Variants in PRPF39 observed in about 807,000 individuals in gnomAD.
The protein encoded by PRPF39 is pre-mRNA-processing factor 39.
In PRPF39, 27 loss-of-function variants were observed where a neutral mutation model predicts 82.1. The ratio of observed to expected loss-of-function variants is 0.33; its 90% CI spans 0.24 to 0.45. PRPF39 has a LOEUF of 0.45. Among genes scored for constraint, PRPF39 ranks in the 20% least tolerant of loss-of-function variants. The pLI is 1.00. For synonymous variants in PRPF39, 261 were observed against 256.4 expected, an observed-to-expected ratio of 1.02 and a Z score of -0.17; for missense variants, 581 against 796.9, an observed-to-expected ratio of 0.73 and a Z score of 3.26.
intron 1 of PRPF39, among the ~76,000 whole-genome samples, chr14:45,085,660 T>G (rs1482592633): frequency 6.6e-6 from 1 of 152,206 alleles, no homozygotes; most frequent in Admixed American, 6.5e-5. Context: ...GTGTTTAATA[T>G]GTAGAGACTT....
At chr14:45,090,216 A>T (rs1472804317) in intron 1 of PRPF39, among the ~76,000 whole-genome samples, 1 of 152,250 alleles carries the variant, frequency 6.6e-6, no homozygotes, top group Admixed American at 6.5e-5. Flanking sequence ...AGGGAAAAAG[A>T]ACAAAATAAA....
At chr14:45,097,041 A>T in intron 4 of PRPF39, 36 bp downstream of exon 4, 3 of 1,493,128 alleles carry the variant, frequency 2.0e-6, no homozygotes, top group Non-Finnish European at 2.7e-6. Flanking sequence ...GTTTTTTATG[A>T]TATAAATAAT....
intron 5 of PRPF39, among the ~76,000 whole-genome samples, chr14:45,104,573 G>A (rs1370285925): frequency 1.3e-5 from 2 of 152,340 alleles, no homozygotes; most frequent in Middle Eastern, 3.4e-3. Context: ...GAGTTGGTCA[G>A]AAGGATAGAG....
chr14:45,114,115 C>G, intron 11 of PRPF39, 68 bp from the exon 12 acceptor site: 2 of 1,210,264 alleles, frequency 1.7e-6, no homozygotes, highest in Non-Finnish European at 2.3e-6. Flanking sequence ...TAAGTAAAAA[C>G]AACTTTAAAT....
At chr14:45,087,737 C>G (rs1206046998) in intron 1 of PRPF39, among the ~76,000 whole-genome samples, 3 of 125,842 alleles carry the variant, frequency 2.4e-5, no homozygotes, top group African/African-American at 3.3e-5. Flanking sequence ...CCATGCCCGG[C>G]TAATTTTTTT....
chr14:45,100,543 G>A lies in PRPF39; in HGVS notation c.570-1986G>A, dbSNP rs548758189. ...AAGTATACCTTCTTCTAAACGTTCT[G>A]TCTTCATTTCATTACCTTCTTGTCT... On this transcript the variant is annotated intron_variant, in intron 4 of 13. Coordinates refer to ENST00000355765, the MANE Select transcript of PRPF39 (RefSeq NM_017922.4). 1.4e-4 allele frequency among the ~76,000 whole-genome samples: 21 copies of A among 152,258 alleles called. No homozygotes were observed. The South Asian group carries it at 4.4e-3, about 32-fold the overall frequency.
intron 4 of PRPF39, among the ~76,000 whole-genome samples, chr14:45,102,151 T>A (rs1358034289): frequency 6.6e-6 from 1 of 152,220 alleles, no homozygotes; most frequent in Non-Finnish European, 1.5e-5. Flanking sequence ...TAAATTGAGA[T>A]AAAATTTGCC....
intron 7 of PRPF39, among the ~76,000 whole-genome samples, chr14:45,108,981 T>G (rs1566698130): frequency 6.6e-6 from 1 of 152,176 alleles, no homozygotes; most frequent in African/African-American, 2.4e-5. Flanking sequence ...TTCACAGATA[T>G]GTACAACCAT....
chr14:45,109,714 A>G lies in PRPF39; in HGVS notation c.1110A>G (p.Glu370=). 6.2e-7 allele frequency: 1 copy of G among 1,608,832 alleles called. No individual in the cohort carries two copies. The highest frequency in any genetic ancestry group is 8.5e-7 in the Non-Finnish European group (1 of 1,177,218). Reference sequence around the variant, plus strand: ...TTGAAATTGAAAATGGGACTCATGAACGAGTTGTGGTTCTCTTTGAAAGAT... The same window carrying G: ...TTGAAATTGAAAATGGGACTCATGAGCGAGTTGTGGTTCTCTTTGAAAGAT... ...LEFEIENGTH[E]RVVVLFERCV... is the part of the protein sequence containing the mutation. The change falls in exon 8 of 14, where the codon GAA becomes GAG. Residue 370 remains glutamate, a synonymous_variant. Coordinates refer to ENST00000355765, the MANE Select transcript of PRPF39 (RefSeq NM_017922.4).
chr14:45,109,487 T>A (rs992277293), intron 7 of PRPF39, 129 bp from the exon 8 acceptor site: 3 of 782,624 alleles, frequency 3.8e-6, no homozygotes, highest in African/African-American at 1.9e-5. Context: ...AAAAGTTTTT[T>A]AAATTATGAA....
chr14:45,092,558 G>A (rs560263055), intron 1 of PRPF39, among the ~76,000 whole-genome samples: 30 of 137,158 alleles, frequency 2.2e-4, no homozygotes, highest in Middle Eastern at 4.7e-3. Context: ...CCGAGATTGC[G>A]CCACTGCACT....
At chr14:45,088,215 T>C in intron 1 of PRPF39, 1 of 157,348 alleles carries the variant, frequency 6.4e-6, no homozygotes, top group Non-Finnish European at 1.4e-5. Context: ...GATAACACTT[T>C]TCAGGAAATG....
chr14:45,107,574 T>C lies in PRPF39; in HGVS notation c.861T>C (p.Asp287=), dbSNP rs1421956523. ...GTGGTGATGATGGTCCTCCTGGTGA[T>C]GATCTACCATCGGGAATTGAAGACA... ...GHSGDDGPPG[D]DLPSGIEDIT... Residue 287 remains aspartate, a synonymous_variant, in exon 6 of 14, where the codon GAT becomes GAC. Transcript: ENST00000355765. The C allele has an allele frequency of 2.6e-6, 4 of 1,552,836 alleles. No homozygotes were observed. Among genetic ancestry groups the C allele is most frequent in the Non-Finnish European group, 3.5e-6 (4 of 1,147,280 alleles).
At chr14:45,104,494 C>G (rs1217676335) in intron 5 of PRPF39, among the ~76,000 whole-genome samples, 1 of 151,888 alleles carries the variant, frequency 6.6e-6, no homozygotes, top group Non-Finnish European at 1.5e-5. Context: ...TGCTGTGTAC[C>G]TGTTGATAGG....
Position 45,114,252 on chromosome 14 carries a change from A to G in PRPF39, c.1827A>G (p.Glu609=). Residue 609 remains glutamate, a synonymous_variant, in exon 12 of 14, where the codon GAA becomes GAG. Transcript: ENST00000355765. ...KEQDSLKRKA[E]NGSEEPEEKK... ...AGGATTCTTTAAAAAGGAAAGCAGAAAATGGGTATGTCACTTTTTGCTAAG... is the reference window on the plus strand; with the variant it reads ...AGGATTCTTTAAAAAGGAAAGCAGAGAATGGGTATGTCACTTTTTGCTAAG... 1 of 1,592,900 alleles carries G rather than the reference A, an allele frequency of 6.3e-7. No homozygotes were observed. The highest frequency in any genetic ancestry group is 1.7e-5 in the Admixed American group (1 of 59,046).
intron 4 of PRPF39, 26 bp downstream of exon 4, chr14:45,097,031 G>GT: frequency 6.7e-7 from 1 of 1,500,464 alleles, no homozygotes; most frequent in South Asian, 1.3e-5. Flanking sequence ...ATACTGAAAT[G>GT]TTTTTTATGA....
chr14:45,096,213 T>G lies in PRPF39; in HGVS notation c.435T>G (p.Ile145Met). ...YADLEKRHDN[I>M]KPSDEVYRRG... is the part of the protein sequence containing the mutation. Reference sequence around the variant, plus strand: ...ACCTTGAAAAGCGGCACGACAACATTAAACCATCAGATGAGGTGCGTACAT... The same window carrying G: ...ACCTTGAAAAGCGGCACGACAACATGAAACCATCAGATGAGGTGCGTACAT... Residue 145 changes from isoleucine to methionine, a missense_variant, in exon 3 of 14, where the codon ATT (isoleucine) becomes ATG (methionine). Transcript: ENST00000355765. The G allele has an allele frequency of 1.0e-5, 16 of 1,593,414 alleles. No individual in the cohort carries two copies. Among genetic ancestry groups the G allele is most frequent in the Non-Finnish European group, 1.2e-5 (14 of 1,169,210 alleles).
chr14:45,095,717 A>T lies in PRPF39; in HGVS notation c.324+154A>T, dbSNP rs2139044173. The stretch of plus-strand genomic sequence containing the variant: ...AGGTAGCTACATTTTTAGCTTTGAA[A>T]ATAGCTTACAGCTTTTGTATGTTGT... On this transcript the variant is annotated intron_variant, in intron 2 of 13. Transcript: ENST00000355765. 3 of 998,208 alleles carry T rather than the reference A, an allele frequency of 3.0e-6. No homozygotes were observed. In the South Asian group the frequency reaches 5.4e-5, roughly 18 times the overall value. The allele number at this position is 998,208 out of a possible 1,614,324, so 61.8% of individuals were successfully genotyped here.
intron 1 of PRPF39, among the ~76,000 whole-genome samples, chr14:45,091,969 G>A (rs927239003): frequency 2.0e-5 from 3 of 152,166 alleles, no homozygotes; most frequent in African/African-American, 7.2e-5. Context: ...ATGATGTCAA[G>A]GTTGGTATTT....
Sources: allele counts gnomAD v4.1 joint callset (sites outside exome capture counted in the v4.1 genomes callset), GRCh38; gene constraint gnomAD v4.1.1; transcripts MANE v1.5; gene names NCBI Gene and HGNC (gene_info 2026-07-23, HGNC 2026-07-21).